GRIA3: variants seen among roughly 807,000 people sequenced by gnomAD.
The protein encoded by GRIA3 is glutamate receptor 3.
Under a neutral mutation model 63.0 loss-of-function variants are expected in GRIA3, and 3 were observed. That is an observed-to-expected ratio of 0.05 (90% CI 0.02 to 0.12). GRIA3 has a LOEUF of 0.12. GRIA3 is among the 10% of genes least tolerant of loss of function. The pLI, the probability that GRIA3 is intolerant of heterozygous loss-of-function variation, is 1.00. For missense variants in GRIA3, 347 were observed against 700.9 expected (o/e 0.50, Z 5.70); for synonymous variants, 274 against 257.9 (o/e 1.06, Z -0.60).
chrX:123,376,874 T>TTTTTCTTTC (rs58457106), intron 5 of GRIA3, among the ~76,000 whole-genome samples: 1 of 109,494 alleles, frequency 9.1e-6, no homozygotes, highest in Non-Finnish European at 1.9e-5. Flanking sequence ...CCTGCCCTTT[T>TTTTTCTTTC]ACAAACTTTG....
chrX:123,341,317 T>C (rs946255596), intron 4 of GRIA3, among the ~76,000 whole-genome samples: 1 of 112,187 alleles, frequency 8.9e-6, no homozygotes, highest in Non-Finnish European at 1.9e-5. Flanking sequence ...GGCTCCACAT[T>C]GCGTTATGAT....
rs780572063 is a variant in GRIA3 at position 123,430,902 on chromosome X, G to A, written c.2076+2763G>A. ...GGAGGCTGAGGCAGGAGAATCGCTTGAACCAGGGATTCAGAGGTTGCAGTG... is the reference window on the plus strand; with the variant it reads ...GGAGGCTGAGGCAGGAGAATCGCTTAAACCAGGGATTCAGAGGTTGCAGTG... On this transcript the variant is annotated intron_variant, in intron 12 of 15. Coordinates refer to ENST00000620443, the MANE Select transcript of GRIA3 (RefSeq NM_007325.5). 4.5e-5 allele frequency among the ~76,000 whole-genome samples: 5 copies of A among 110,848 alleles called. No individual in the cohort carries two copies. In the East Asian group the frequency reaches 1.4e-3, roughly 31 times the overall value.
intron 13 of GRIA3, among the ~76,000 whole-genome samples, chrX:123,477,337 T>C (rs1055180296): frequency 2.4e-4 from 27 of 112,401 alleles, no homozygotes; most frequent in Admixed American, 1.0e-3. Context: ...ATAAACCCAA[T>C]ATATGCTAAC....
At chrX:123,454,248 C>T (rs993326494) in intron 12 of GRIA3, among the ~76,000 whole-genome samples, 3 of 110,879 alleles carry the variant, frequency 2.7e-5, no homozygotes, top group Admixed American at 1.9e-4. Flanking sequence ...TGAATGAGTT[C>T]CCAGATCCAC....
intron 12 of GRIA3, among the ~76,000 whole-genome samples, chrX:123,453,947 T>C (rs2045748485): frequency 9.0e-6 from 1 of 111,518 alleles, no homozygotes; most frequent in African/African-American, 3.3e-5. Flanking sequence ...GTTCAATACA[T>C]AACGTTATAC....
chrX:123,184,418 G>C lies in GRIA3; in HGVS notation c.-118G>C. 3.3e-6 allele frequency: 2 copies of C among 597,247 alleles called. No homozygotes were observed. The highest frequency in any genetic ancestry group is 2.3e-5 in the South Asian group (1 of 43,888). The allele number at this position is 597,247 out of a possible 1,213,427, so 49.2% of individuals were successfully genotyped here. A position where few individuals can be genotyped will look rare whatever the true frequency, so the allele number is the denominator to read the frequency against. ...TGTGGGGTGGAAAGGAAGAGTGAGCGAGAGCAAGTTAAGGGGAGGGGGTGT... is the reference window on the plus strand; with the variant it reads ...TGTGGGGTGGAAAGGAAGAGTGAGCCAGAGCAAGTTAAGGGGAGGGGGTGT... On this transcript the variant is annotated 5_prime_UTR_variant, in exon 1 of 16. Transcript: ENST00000620443.
chrX:123,449,505 C>G (rs902889703), intron 12 of GRIA3, among the ~76,000 whole-genome samples: 2 of 111,922 alleles, frequency 1.8e-5, no homozygotes, highest in African/African-American at 6.5e-5. Context: ...CCAGGACACG[C>G]AAATGCCAGA....
chrX:123,345,690 C>G (rs978103825), intron 4 of GRIA3, among the ~76,000 whole-genome samples: 1 of 110,982 alleles, frequency 9.0e-6, no homozygotes, highest in African/African-American at 3.3e-5. Context: ...TCAACTCCTT[C>G]CCTCCATCTC....
intron 4 of GRIA3, among the ~76,000 whole-genome samples, chrX:123,347,219 A>C (rs1361281760): frequency 8.9e-6 from 1 of 111,952 alleles, no homozygotes. Context: ...TGCCAGATGC[A>C]AATAGCAGGA....
At chrX:123,307,567 T>G (rs1442104081) in intron 3 of GRIA3, among the ~76,000 whole-genome samples, 2 of 112,073 alleles carry the variant, frequency 1.8e-5, no homozygotes, top group African/African-American at 6.5e-5. Context: ...GGGAAGCAAT[T>G]CTACAGTTCT....
At chrX:123,191,071 A>G (rs1205984061) in intron 2 of GRIA3, among the ~76,000 whole-genome samples, 1 of 112,408 alleles carries the variant, frequency 8.9e-6, no homozygotes, top group Non-Finnish European at 1.9e-5. Context: ...ATAGAATTCC[A>G]TAACTTTGGG....
chrX:123,266,917 C>T (rs1003735129), intron 3 of GRIA3, among the ~76,000 whole-genome samples: 1 of 110,107 alleles, frequency 9.1e-6, no homozygotes, highest in Non-Finnish European at 1.9e-5. Context: ...GATATATCTT[C>T]GAAATTCTGC....
In GRIA3 at chrX:123,260,483, A is replaced by G. The variant is rs193170579; in HGVS notation, c.508+6941A>G. The stretch of plus-strand genomic sequence containing the variant: ...AAGGAAGGAAGAAGAAAGGAAAGAA[A>G]GAAAGAAAGAAAGAAAGAAAGAAAG... On this transcript the variant is annotated intron_variant, in intron 3 of 15. Coordinates refer to ENST00000620443, the MANE Select transcript of GRIA3 (RefSeq NM_007325.5). Among the ~76,000 whole-genome samples, 16 of 7,629 alleles carry G rather than the reference A, an allele frequency of 2.1e-3. 2 individuals carry two copies. Among genetic ancestry groups the G allele is most frequent in the African/African-American group, 2.9e-3 (9 of 3,053 alleles). The allele number at this position is 7,629 out of a possible 115,157, so 6.6% of individuals were successfully genotyped here.
At chrX:123,271,386 G>T in intron 3 of GRIA3, among the ~76,000 whole-genome samples, 1 of 111,828 alleles carries the variant, frequency 8.9e-6, no homozygotes, top group Non-Finnish European at 1.9e-5. Context: ...CAGGTATATT[G>T]TTGTTACTTT....
At chrX:123,453,525 G>A (rs2045745772) in intron 12 of GRIA3, among the ~76,000 whole-genome samples, 1 of 110,313 alleles carries the variant, frequency 9.1e-6, no homozygotes, top group African/African-American at 3.3e-5. Context: ...ATGTACCCTA[G>A]AACTGAAAGT....
chrX:123,274,658 C>T (rs765725302), intron 3 of GRIA3, among the ~76,000 whole-genome samples: 60 of 111,913 alleles, frequency 5.4e-4, no homozygotes, highest in Non-Finnish European at 1.0e-3. Flanking sequence ...TGATCTGGGC[C>T]TCAGAAGGCA....
chrX:123,315,427 G>A (rs1366474202), intron 3 of GRIA3, among the ~76,000 whole-genome samples: 1 of 111,853 alleles, frequency 8.9e-6, no homozygotes, highest in Non-Finnish European at 1.9e-5. Flanking sequence ...TCACTATATT[G>A]ATTTTGATGG....
chrX:123,377,422 A>G (rs990079777), intron 5 of GRIA3, among the ~76,000 whole-genome samples: 1 of 112,364 alleles, frequency 8.9e-6, no homozygotes, highest in African/African-American at 3.2e-5. Context: ...AAATGGAAAT[A>G]GGTAAACCAT....
intron 2 of GRIA3, among the ~76,000 whole-genome samples, chrX:123,229,707 G>A (rs1191836814): frequency 1.9e-4 from 21 of 111,976 alleles, no homozygotes; most frequent in Non-Finnish European, 3.8e-4. Flanking sequence ...ACTGCTGATT[G>A]GTTCATCACA....
Sources: allele counts gnomAD v4.1 joint callset (sites outside exome capture counted in the v4.1 genomes callset), GRCh38; gene constraint gnomAD v4.1.1; transcripts MANE v1.5; gene names NCBI Gene and HGNC (gene_info 2026-07-23, HGNC 2026-07-21).